Variants in CFAP54 observed in about 807,000 individuals in gnomAD.
The protein encoded by CFAP54 is cilia and flagella associated protein 54.
CFAP54 carries 290 observed loss-of-function variants against 370.4 expected under a neutral mutation model. That is an observed-to-expected ratio of 0.78 (90% CI 0.71 to 0.86). The LOEUF (loss-of-function observed/expected upper bound fraction) is 0.86. Among genes scored for constraint, CFAP54 ranks in the 40% least tolerant of loss-of-function variants. The pLI is 0.00. For synonymous variants in CFAP54, 1,206 were observed against 1,236.5 expected, an observed-to-expected ratio of 0.98 and a Z score of 0.52; for missense variants, 3,399 against 3,528.7, an observed-to-expected ratio of 0.96 and a Z score of 0.93.
In CFAP54 at chr12:96,828,500, CTGT is replaced by C. The variant is rs556682405; in HGVS notation, c.9097-509_9097-507del. On this transcript the variant is annotated intron_variant, in intron 65 of 67. Transcript: ENST00000524981. The stretch of plus-strand genomic sequence containing the variant: ...AGTCAATACTGATTGTATGTCTCTT[CTGT>C]TGTTCTTCCTTACATAAAATCATAT... Among the ~76,000 whole-genome samples, 70 of 152,214 alleles carry C rather than the reference CTGT, an allele frequency of 4.6e-4. 1 individual carries two copies. The highest frequency in any genetic ancestry group is 1.9e-3 in the South Asian group (9 of 4,824).
chr12:96,635,099 G>C (rs1314352290), intron 32 of CFAP54, among the ~76,000 whole-genome samples: 1 of 152,084 alleles, frequency 6.6e-6, no homozygotes, highest in Non-Finnish European at 1.5e-5. Flanking sequence ...TTTAGAATAA[G>C]CTTGTCTGTA....
intron 40 of CFAP54, chr12:96,682,201 G>T (rs1957280998): frequency 1.0e-6 from 1 of 985,442 alleles, no homozygotes. Flanking sequence ...ATTTTGCCTG[G>T]GGACAGAGGA....
At chr12:96,824,532 A>G (rs1320263873) in intron 65 of CFAP54, among the ~76,000 whole-genome samples, 2 of 152,110 alleles carry the variant, frequency 1.3e-5, no homozygotes, top group African/African-American at 2.4e-5. Context: ...TAAGCACTCA[A>G]TTGGAAATAC....
At chr12:96,665,374 T>A (rs898569577) in intron 39 of CFAP54, among the ~76,000 whole-genome samples, 7 of 152,212 alleles carry the variant, frequency 4.6e-5, no homozygotes, top group Non-Finnish European at 8.8e-5. Flanking sequence ...TTTTGACATC[T>A]TCATCGTGAA....
chr12:96,644,132 T>A, intron 32 of CFAP54, 46 bp from the exon 33 acceptor site: 1 of 1,236,260 alleles, frequency 8.1e-7, no homozygotes, highest in Non-Finnish European at 1.1e-6. Context: ...TTATTAAATA[T>A]CTGAAAGTTC....
intron 15 of CFAP54, among the ~76,000 whole-genome samples, chr12:96,553,597 G>A (rs1426108604): frequency 6.8e-6 from 1 of 147,972 alleles, no homozygotes; most frequent in Non-Finnish European, 1.5e-5. Context: ...GCATATATCT[G>A]TATGCTTTAT....
intron 65 of CFAP54, among the ~76,000 whole-genome samples, chr12:96,826,606 A>T (rs1215757414): frequency 9.1e-6 from 1 of 109,792 alleles, no homozygotes; most frequent in Non-Finnish European, 1.7e-5. Flanking sequence ...ATATTATATG[A>T]TAATATATCA....
At chr12:96,536,787 T>C (rs6538724) in intron 12 of CFAP54, among the ~76,000 whole-genome samples, 63,395 of 151,744 alleles carry the variant, frequency 0.42, 13,749 homozygotes, top group South Asian at 0.46. Context: ...CCACCATGTT[T>C]GGCTAGTTTT....
At chr12:96,562,376 A>T (rs370411382) in intron 17 of CFAP54, among the ~76,000 whole-genome samples, 3 of 141,498 alleles carry the variant, frequency 2.1e-5, no homozygotes, top group South Asian at 4.5e-4. Flanking sequence ...TCTATTTTTA[A>T]TTTTTTTTTC....
In CFAP54 at chr12:96,518,540, G is replaced by T. The variant is rs1955265770; in HGVS notation, c.799-388G>T. ...CCTCTCTACTAAAATAGAAAAATTAGCCAGGTGTGGTGGTGCACACCTGTA... is the reference window on the plus strand; with the variant it reads ...CCTCTCTACTAAAATAGAAAAATTATCCAGGTGTGGTGGTGCACACCTGTA... On this transcript the variant is annotated intron_variant, in intron 5 of 67. Coordinates refer to ENST00000524981, the MANE Select transcript of CFAP54 (RefSeq NM_001306084.2). Among the ~76,000 whole-genome samples the T allele has an allele frequency of 2.0e-5, 3 of 152,154 alleles. No individual in the cohort carries two copies. The South Asian group carries it at 6.2e-4, about 31-fold the overall frequency.
chr12:96,626,721 G>A lies in CFAP54; in HGVS notation c.3977-92G>A, dbSNP rs898666874. 6.1e-6 allele frequency: 4 copies of A among 656,968 alleles called. No homozygotes were observed. In the Admixed American group the frequency reaches 1.2e-4, roughly 19 times the overall value. 40.7% of individuals were successfully genotyped at this position (656,968 alleles called of 1,614,324 possible). ...AAAAAGCAGATTAATAAACTTGCCT[G>A]TTGGAACAAAATGACTGCTAGCACT... is the stretch of plus-strand genomic sequence containing the variant. On this transcript the variant is annotated intron_variant, in intron 29 of 67. Coordinates refer to ENST00000524981, the MANE Select transcript of CFAP54 (RefSeq NM_001306084.2).
At chr12:96,644,472 T>A in intron 33 of CFAP54, 64 bp downstream of exon 33, 1 of 1,167,590 alleles carries the variant, frequency 8.6e-7, no homozygotes, top group Admixed American at 2.1e-5. Flanking sequence ...TATTTGTATG[T>A]TCAGAGCTCC....
chr12:96,799,810 G>T (rs1388410371), intron 63 of CFAP54, among the ~76,000 whole-genome samples: 2 of 152,154 alleles, frequency 1.3e-5, no homozygotes, highest in African/African-American at 2.4e-5. Flanking sequence ...ATAGTAATGG[G>T]TCAAGGAGTA....
chr12:96,644,125 T>C (rs1956764028), intron 32 of CFAP54, 53 bp from the exon 33 acceptor site: 1 of 1,182,954 alleles, frequency 8.5e-7, no homozygotes, highest in Non-Finnish European at 1.2e-6. Flanking sequence ...TTCTTCTTTA[T>C]TAAATATCTG....
At chr12:96,646,710 C>T (rs1407179779) in intron 33 of CFAP54, 1 of 152,146 alleles carries the variant, frequency 6.6e-6, no homozygotes, top group East Asian at 1.9e-4. Context: ...GCCAAGTGTC[C>T]AACAATGATA....
intron 23 of CFAP54, among the ~76,000 whole-genome samples, chr12:96,590,379 C>T (rs1956113122): frequency 1.3e-5 from 2 of 152,178 alleles, no homozygotes; most frequent in Non-Finnish European, 2.9e-5. Context: ...TTGAAGCAGG[C>T]TCAGAAATGA....
intron 48 of CFAP54, among the ~76,000 whole-genome samples, chr12:96,717,700 C>G (rs1957700701): frequency 6.6e-6 from 1 of 152,188 alleles, no homozygotes; most frequent in South Asian, 2.1e-4. Context: ...TCCAGCTGGT[C>G]TCACGCTCAG....
At chr12:96,800,235 G>A (rs574108726) in intron 63 of CFAP54, among the ~76,000 whole-genome samples, 1 of 152,262 alleles carries the variant, frequency 6.6e-6, no homozygotes, top group South Asian at 2.1e-4. Flanking sequence ...CATCTAAGAA[G>A]CAAATGCTAA....
At chr12:96,503,325 C>T (rs928487259) in intron 2 of CFAP54, among the ~76,000 whole-genome samples, 4 of 138,036 alleles carry the variant, frequency 2.9e-5, no homozygotes, top group Admixed American at 1.5e-4. Flanking sequence ...TTTCCCTTCC[C>T]CTTCTTTCCC....
Sources: allele counts gnomAD v4.1 joint callset (sites outside exome capture counted in the v4.1 genomes callset), GRCh38; gene constraint gnomAD v4.1.1; transcripts MANE v1.5; gene names NCBI Gene and HGNC (gene_info 2026-07-23, HGNC 2026-07-21).